Variants in SSBP2 observed in about 807,000 individuals in gnomAD.
SSBP2 encodes the protein single stranded DNA binding protein 2.
A neutral mutation model predicts 61.8 loss-of-function variants in SSBP2; 17 were observed. The ratio of observed to expected loss-of-function variants is 0.28; its 90% CI spans 0.19 to 0.41. The LOEUF is 0.41. Ranked by LOEUF, SSBP2 falls within the 10% of genes least tolerant of loss-of-function variation. The pLI, the probability that SSBP2 is intolerant of heterozygous loss-of-function variation, is 1.00. For synonymous variants in SSBP2, 139 were observed against 141.3 expected (o/e 0.98, Z 0.12); for missense variants, 310 against 458.7 (o/e 0.68, Z 2.96).
intron 1 of SSBP2, among the ~76,000 whole-genome samples, chr5:81,723,806 G>T (rs1755700077): frequency 6.6e-6 from 1 of 151,914 alleles, no homozygotes; most frequent in African/African-American, 2.4e-5. Context: ...CCAAGACATA[G>T]CAACAGGGAC....
chr5:81,656,575 T>C (rs1374958444), intron 1 of SSBP2, among the ~76,000 whole-genome samples: 1 of 152,148 alleles, frequency 6.6e-6, no homozygotes, highest in Non-Finnish European at 1.5e-5. Flanking sequence ...TATAGCCTTA[T>C]GTCAAGCTAA....
intron 15 of SSBP2, among the ~76,000 whole-genome samples, chr5:81,435,190 ACTTTG>A (rs1157545535): frequency 6.6e-6 from 1 of 152,196 alleles, no homozygotes; most frequent in Non-Finnish European, 1.5e-5. Context: ...ATGCATATTA[ACTTTG>A]CTTTGTAAAA....
At chr5:81,507,720 A>G (rs993856351) in intron 5 of SSBP2, among the ~76,000 whole-genome samples, 3 of 152,086 alleles carry the variant, frequency 2.0e-5, no homozygotes, top group African/African-American at 4.8e-5. Flanking sequence ...ACCCTTCTCG[A>G]TATTTTTTTG....
At chr5:81,566,890 C>T (rs1773462236) in intron 4 of SSBP2, among the ~76,000 whole-genome samples, 1 of 152,090 alleles carries the variant, frequency 6.6e-6, no homozygotes, top group African/African-American at 2.4e-5. Flanking sequence ...TTTGCCCTTG[C>T]CCTAGAGATT....
At chr5:81,559,384 C>CA (rs36034616) in intron 4 of SSBP2, among the ~76,000 whole-genome samples, 36,928 of 95,722 alleles carry the variant, frequency 0.39, 6,481 homozygotes, top group Middle Eastern at 0.56. Flanking sequence ...GAGATTTCAT[C>CA]AAAAAAAAAA....
intron 1 of SSBP2, among the ~76,000 whole-genome samples, chr5:81,658,354 A>C (rs1204053300): frequency 2.0e-4 from 30 of 152,108 alleles, no homozygotes; most frequent in Admixed American, 1.9e-3. Context: ...TCAAAAATAC[A>C]AGCATCCCCC....
chr5:81,574,618 A>G (rs1000907344), intron 4 of SSBP2, among the ~76,000 whole-genome samples: 2 of 152,182 alleles, frequency 1.3e-5, no homozygotes, highest in Non-Finnish European at 2.9e-5. Context: ...AATTACAAAT[A>G]AAACAATACC....
chr5:81,742,657 T>C (rs181248471), intron 1 of SSBP2, among the ~76,000 whole-genome samples: 1 of 152,030 alleles, frequency 6.6e-6, no homozygotes, highest in East Asian at 1.9e-4. Context: ...AGGTGGATCA[T>C]CTGAGGTCAG....
intron 4 of SSBP2, among the ~76,000 whole-genome samples, chr5:81,577,810 T>C (rs1022082989): frequency 6.6e-6 from 1 of 152,036 alleles, no homozygotes; most frequent in African/African-American, 2.4e-5. Context: ...AGATTAACCT[T>C]CACAATGTGA....
intron 6 of SSBP2, among the ~76,000 whole-genome samples, chr5:81,484,630 A>G (rs943513032): frequency 6.6e-6 from 1 of 152,124 alleles, no homozygotes; most frequent in Non-Finnish European, 1.5e-5. Flanking sequence ...TAAACCAGCC[A>G]AAGAGGCTAC....
At chr5:81,717,328 G>A (rs986549451) in intron 1 of SSBP2, among the ~76,000 whole-genome samples, 9 of 152,094 alleles carry the variant, frequency 5.9e-5, no homozygotes, top group African/African-American at 2.2e-4. Flanking sequence ...GCATCTATCC[G>A]TAACATATTC....
intron 1 of SSBP2, among the ~76,000 whole-genome samples, chr5:81,709,225 T>A (rs1754606956): frequency 1.3e-5 from 2 of 152,008 alleles, no homozygotes; most frequent in African/African-American, 4.8e-5. Context: ...GCAGATGTAA[T>A]GGCTTTCATT....
At chr5:81,738,751 G>A (rs962402207) in intron 1 of SSBP2, among the ~76,000 whole-genome samples, 3 of 152,104 alleles carry the variant, frequency 2.0e-5, no homozygotes, top group Non-Finnish European at 4.4e-5. Flanking sequence ...ATAAGCATTT[G>A]TATTGTTATA....
rs1056584808 is a variant in SSBP2 at position 81,488,058 on chromosome 5, T to A, written c.432+1192A>T. On this transcript the variant is annotated intron_variant, in intron 6 of 16. Transcript: ENST00000320672. ...ATATATATATATATATATATATATA[T>A]AAATAAAATATCATATATTATATAT... 6.3e-4 allele frequency among the ~76,000 whole-genome samples: 52 copies of A among 83,172 alleles called. 5 individuals carry two copies. The highest frequency in any genetic ancestry group is 1.9e-3 in the South Asian group (5 of 2,596). 54.6% of individuals were successfully genotyped at this position (83,172 alleles called of 152,430 possible).
chr5:81,477,631 GC>G (rs1397094983), intron 6 of SSBP2, among the ~76,000 whole-genome samples: 1 of 97,240 alleles, frequency 1.0e-5, no homozygotes, highest in Non-Finnish European at 2.0e-5. Context: ...CCCCACACCC[GC>G]CATGTCCTGG....
intron 4 of SSBP2, among the ~76,000 whole-genome samples, chr5:81,574,528 C>A (rs1774065188): frequency 6.6e-6 from 1 of 151,808 alleles, no homozygotes; most frequent in Admixed American, 6.6e-5. Context: ...GACATAATGG[C>A]TGAAAACTTT....
intron 5 of SSBP2, among the ~76,000 whole-genome samples, chr5:81,497,522 C>T (rs554892545): frequency 6.6e-6 from 1 of 152,170 alleles, no homozygotes; most frequent in East Asian, 1.9e-4. Context: ...AGGCAGTATC[C>T]GTTGATGTGG....
intron 4 of SSBP2, among the ~76,000 whole-genome samples, chr5:81,589,793 T>A (rs1395309804): frequency 2.6e-5 from 4 of 152,078 alleles, no homozygotes; most frequent in Admixed American, 6.6e-5. Context: ...ATTGAGAGGC[T>A]ATATCTGGTG....
At chr5:81,595,541 A>G (rs534734229) in intron 4 of SSBP2, among the ~76,000 whole-genome samples, 1 of 152,314 alleles carries the variant, frequency 6.6e-6, no homozygotes, top group East Asian at 1.9e-4. Context: ...ACAACCAAAA[A>G]AGAGAATTTT....
Sources: allele counts gnomAD v4.1 joint callset (sites outside exome capture counted in the v4.1 genomes callset), GRCh38; gene constraint gnomAD v4.1.1; transcripts MANE v1.5; gene names NCBI Gene and HGNC (gene_info 2026-07-23, HGNC 2026-07-21).